Variants in DNAH11 observed in about 807,000 individuals in gnomAD.
The protein encoded by DNAH11 is dynein axonemal heavy chain 11, also known as axonemal beta dynein heavy chain 11.
DNAH11 carries 442 observed loss-of-function variants against 526.0 expected under a neutral mutation model. The observed-to-expected ratio is 0.84, with a 90% CI of 0.78 to 0.91. DNAH11 has a LOEUF of 0.91. DNAH11 is among the 40% of genes least tolerant of loss of function. The pLI is 0.00. For missense variants in DNAH11, 6,989 were observed against 5,448.7 expected (o/e 1.28, Z -8.90); for synonymous variants, 2,461 against 1,935.9 (o/e 1.27, Z -7.12).
chr7:21,813,598 ATGGGCATT>A (rs1318155393), intron 63 of DNAH11, among the ~76,000 whole-genome samples: 2 of 152,184 alleles, frequency 1.3e-5, no homozygotes, highest in African/African-American at 4.8e-5. Flanking sequence ...TAGAGGCCAG[ATGGGCATT>A]TGGTGTTATA....
At chr7:21,830,476 A>G (rs1050433600) in intron 65 of DNAH11, among the ~76,000 whole-genome samples, 1 of 152,196 alleles carries the variant, frequency 6.6e-6, no homozygotes, top group African/African-American at 2.4e-5. Context: ...TGAGTCGATC[A>G]TATTCTCTCA....
At chr7:21,806,216 A>G (rs78326981) in intron 62 of DNAH11, among the ~76,000 whole-genome samples, 3 of 152,336 alleles carry the variant, frequency 2.0e-5, no homozygotes, top group Non-Finnish European at 4.4e-5. Context: ...CAATCAGTCT[A>G]TGTTTAGTGA....
rs766166470 is a variant in DNAH11, at chr7:21,601,592, C to T, written c.3622C>T (p.Pro1208Ser). 6.3e-6 allele frequency: 10 copies of T among 1,593,422 alleles called. No individual in the cohort carries two copies. In the South Asian group the frequency reaches 7.9e-5, roughly 13 times the overall value. ...TLLESYGQKM[P>S]EQVYIQLEEL... ...CTTGGAAAGCTATGGCCAGAAGATG[C>T]CTGAGCAGGTCTATATTCAGCTAGA... The change falls in exon 18 of 82, where the codon CCT becomes TCT. Residue 1208 changes from proline to serine, a missense_variant. Transcript: ENST00000409508.
chr7:21,739,609 AC>A lies in DNAH11; in HGVS notation c.7851del (p.Cys2618AlafsTer7). ...RQKVMLKEIH[N>X]CQYVACMNPM... is the part of the protein sequence containing the mutation. ...AAGGTGATGCTTAAAGAAATCCATAACTGCCAGTATGTCGCCTGCATGAATC... is the reference window on the plus strand; with the variant it reads ...AAGGTGATGCTTAAAGAAATCCATAATGCCAGTATGTCGCCTGCATGAATC... On this transcript the variant is annotated frameshift_variant, in exon 48 of 82. Transcript: ENST00000409508. LOFTEE classifies it high-confidence loss of function. The A allele has an allele frequency of 1.2e-6, 2 of 1,612,884 alleles. No homozygotes were observed. Among genetic ancestry groups the A allele is most frequent in the Non-Finnish European group, 1.7e-6 (2 of 1,179,470 alleles).
At chr7:21,612,457 A>G (rs1785566212) in intron 20 of DNAH11, among the ~76,000 whole-genome samples, 1 of 151,090 alleles carries the variant, frequency 6.6e-6, no homozygotes, top group South Asian at 2.1e-4. Context: ...CAGGGGGCTG[A>G]AGCAGGAGAA....
chr7:21,604,408 T>C (rs1258010961), intron 18 of DNAH11, among the ~76,000 whole-genome samples: 1 of 152,146 alleles, frequency 6.6e-6, no homozygotes, highest in Non-Finnish European at 1.5e-5. Flanking sequence ...AGATGAATAT[T>C]CTGATCTGCA....
At chr7:21,629,539 T>G (rs756055366) in intron 25 of DNAH11, among the ~76,000 whole-genome samples, 3 of 152,146 alleles carry the variant, frequency 2.0e-5, no homozygotes, top group Non-Finnish European at 2.9e-5. Context: ...TTGCAGCCTA[T>G]CTTTCCCTTT....
intron 54 of DNAH11, among the ~76,000 whole-genome samples, chr7:21,752,474 A>T (rs1347853805): frequency 6.6e-6 from 1 of 152,098 alleles, no homozygotes; most frequent in Non-Finnish European, 1.5e-5. Context: ...TAAGAGTTCT[A>T]TGTATTTAGG....
At chr7:21,676,282 A>G (rs1782880120) in intron 30 of DNAH11, among the ~76,000 whole-genome samples, 1 of 152,222 alleles carries the variant, frequency 6.6e-6, no homozygotes, top group Admixed American at 6.5e-5. Flanking sequence ...CCCTTGATCC[A>G]GTAGAAAATC....
intron 20 of DNAH11, among the ~76,000 whole-genome samples, chr7:21,607,070 A>G (rs62447777): frequency 0.11 from 17,364 of 152,128 alleles, 1,253 homozygotes; most frequent in East Asian, 0.2. Context: ...GGAACAAGGA[A>G]GCCACTCTGA....
chr7:21,736,798 G>A (rs573488741), intron 46 of DNAH11, among the ~76,000 whole-genome samples: 5 of 152,182 alleles, frequency 3.3e-5, no homozygotes, highest in South Asian at 4.2e-4. Context: ...AGTCCAGCCC[G>A]GGCAATGTAT....
chr7:21,765,642 ACACACACACACACACACT>A lies in DNAH11; in HGVS notation c.9102+55_9102+72del, dbSNP rs961040852. 1.4e-5 allele frequency: 16 copies of A among 1,113,924 alleles called. No individual in the cohort carries two copies. In the Middle Eastern group the frequency reaches 1.2e-3, roughly 80 times the overall value. The allele number at this position is 1,113,924 out of a possible 1,614,324, so 69.0% of individuals were successfully genotyped here. ...CACACACACACACACACACACACAC[ACACACACACACACACACT>A]CTGAAAATCCTCAGTAGGTAAGTGC... is the stretch of plus-strand genomic sequence containing the variant. On this transcript the variant is annotated intron_variant, in intron 55 of 81. Coordinates refer to ENST00000409508, the MANE Select transcript of DNAH11 (RefSeq NM_001277115.2).
intron 66 of DNAH11, among the ~76,000 whole-genome samples, chr7:21,846,370 C>T (rs1371026581): frequency 6.6e-6 from 1 of 152,116 alleles, no homozygotes; most frequent in East Asian, 1.9e-4. Context: ...TCTTTTAGAT[C>T]TTCTTTATCA....
chr7:21,645,751 T>C (rs562471741), intron 28 of DNAH11, among the ~76,000 whole-genome samples: 11 of 152,184 alleles, frequency 7.2e-5, no homozygotes, highest in Non-Finnish European at 1.2e-4. Context: ...AAATCAGATA[T>C]CTAAATCAGA....
At chr7:21,727,721 G>A (rs190309785) in intron 45 of DNAH11, among the ~76,000 whole-genome samples, 16 of 152,262 alleles carry the variant, frequency 1.1e-4, no homozygotes, top group African/African-American at 3.9e-4. Flanking sequence ...CATTTATTAG[G>A]AGGCAATTAG....
chr7:21,778,973 G>T lies in DNAH11; in HGVS notation c.9352G>T (p.Ala3118Ser), dbSNP rs1334064628. 3 of 1,613,106 alleles carry T rather than the reference G, an allele frequency of 1.9e-6. No individual in the cohort carries two copies. Among genetic ancestry groups the T allele is most frequent in the African/African-American group, 1.3e-5 (1 of 74,980 alleles). ...TTTGCTTTAGGTGGGAGATCTAAAA[G>T]CCAGACTTGCCTCTCAAGAAGCCGA... The part of the protein sequence containing the change: ...TTASQVGDLK[A>S]RLASQEAELQ... Residue 3118 changes from alanine (A) to serine (S), a missense_variant, in exon 57 of 82, where the codon GCC (alanine) becomes TCC (serine). Ala to Ser is a moderately conservative substitution (Grantham distance 99). Coordinates refer to ENST00000409508, the MANE Select transcript of DNAH11 (RefSeq NM_001277115.2).
intron 35 of DNAH11, among the ~76,000 whole-genome samples, chr7:21,691,848 T>TA (rs775921180): frequency 2.6e-5 from 4 of 152,210 alleles, no homozygotes; most frequent in Non-Finnish European, 5.9e-5. Flanking sequence ...TCCTTTTTTT[T>TA]ATTATAATGA....
intron 59 of DNAH11, among the ~76,000 whole-genome samples, 154 bp from the exon 60 acceptor site, chr7:21,787,247 C>T (rs1273300003): frequency 6.6e-6 from 1 of 152,170 alleles, no homozygotes; most frequent in Non-Finnish European, 1.5e-5. Context: ...TGACTTCGTA[C>T]TATAAAGACT....
Position 21,570,021 on chromosome 7 carries a change from A to T in DNAH11, c.1195-48A>T. On this transcript the variant is annotated intron_variant, in intron 6 of 81. Coordinates refer to ENST00000409508, the MANE Select transcript of DNAH11 (RefSeq NM_001277115.2). Reference sequence around the variant, plus strand: ...TGAAACAGAGACGGTTACAGGGAAAAACTGTTAAACATAGTTTTGATCATT... The same window carrying T: ...TGAAACAGAGACGGTTACAGGGAAATACTGTTAAACATAGTTTTGATCATT... The T allele has an allele frequency of 2.8e-6, 4 of 1,416,594 alleles. 1 individual carries two copies. The South Asian group carries it at 5.6e-5, about 20-fold the overall frequency. 87.8% of individuals were successfully genotyped at this position (1,416,594 alleles called of 1,614,324 possible).
Sources: gnomAD v4.1 joint callset for allele counts (sites outside exome capture counted in the v4.1 genomes callset) on GRCh38, gnomAD v4.1.1 for gene constraint, MANE v1.5 for transcripts, NCBI Gene and HGNC (gene_info 2026-07-23, HGNC 2026-07-21) for gene names.